Variants in TMEM74 observed in about 807,000 individuals in gnomAD.
TMEM74 encodes transmembrane protein 74.
In TMEM74, 13 loss-of-function variants were observed where a neutral mutation model predicts 18.1. The ratio of observed to expected loss-of-function variants is 0.72; its 90% CI spans 0.47 to 1.14. The LOEUF is 1.14. Ranked by LOEUF, TMEM74 falls within the 50% of genes most tolerant of loss-of-function variation. The probability of loss-of-function intolerance (pLI) is 0.00; values close to 1 mark genes in which losing one functional copy is unlikely to be tolerated. For synonymous variants in TMEM74, 159 were observed against 146.6 expected (o/e 1.08, Z -0.61); for missense variants, 372 against 375.9 (o/e 0.99, Z 0.09).
At chr8:108,644,261 C>G (rs985190066) in intron 2 of TMEM74, among the ~76,000 whole-genome samples, 7 of 152,226 alleles carry the variant, frequency 4.6e-5, no homozygotes, top group African/African-American at 9.6e-5. Flanking sequence ...AAAATGATTC[C>G]CTGTTCAATA....
intron 1 of TMEM74, among the ~76,000 whole-genome samples, chr8:108,676,183 C>T (rs1012202048): frequency 2.6e-5 from 4 of 152,260 alleles, no homozygotes; most frequent in East Asian, 1.9e-4. Flanking sequence ...AAACTCAGAA[C>T]ATATGCAGGA....
At chr8:108,620,039 A>G (rs1812423937) in intron 2 of TMEM74, among the ~76,000 whole-genome samples, 1 of 151,894 alleles carries the variant, frequency 6.6e-6, no homozygotes, top group Non-Finnish European at 1.5e-5. Context: ...AAAATAGTCT[A>G]TTTGTCATAG....
Position 108,671,292 on chromosome 8 carries a change from A to G in TMEM74, n.120-15855T>C, listed in dbSNP as rs117326526. Among the ~76,000 whole-genome samples, 740 of 152,262 alleles carry G rather than the reference A, an allele frequency of 4.9e-3. 3 individuals are homozygous for G. Among genetic ancestry groups the G allele is most frequent in the Middle Eastern group, 0.017 (5 of 294 alleles). ...TTAAATACTAGCTCAAGCTCCCACA[A>G]TATCTTGGTTTTCTATGTGGCAAGA... On this transcript the variant is annotated intron_variant and non_coding_transcript_variant, in intron 1 of 3. Transcript: ENST00000518838.
intron 1 of TMEM74, among the ~76,000 whole-genome samples, chr8:108,720,831 C>T (rs1156308700): frequency 3.3e-5 from 5 of 152,056 alleles, no homozygotes; most frequent in African/African-American, 7.2e-5. Context: ...TGCAATGACA[C>T]GATCTCTGCT....
intron 1 of TMEM74, among the ~76,000 whole-genome samples, chr8:108,664,704 T>C (rs967277504): frequency 2.0e-5 from 3 of 152,090 alleles, no homozygotes; most frequent in Non-Finnish European, 2.9e-5. Flanking sequence ...GTCTTAAAGA[T>C]TCAGTGGCCT....
At position 108,784,575 on chromosome 8, in the gene TMEM74, T is replaced by C; in HGVS notation, c.524A>G (p.Asp175Gly). 1 of 1,614,106 alleles carries C rather than the reference T, an allele frequency of 6.2e-7. No individual in the cohort carries two copies. The highest frequency in any genetic ancestry group is 8.5e-7 in the Non-Finnish European group (1 of 1,180,032). The change falls in exon 2 of 2, where the codon GAC becomes GGC. Residue 175 changes from aspartate (D) to glycine (G), a missense_variant. Coordinates refer to ENST00000297459, the MANE Select transcript of TMEM74 (RefSeq NM_153015.3). ...SEATSSGKSI[D>G]YGFISAILFL... ...CAAGATGGCGCTGATGAAACCATAG[T>C]CTATAGACTTCCCTGAAGACGTGGC...
intron 1 of TMEM74, among the ~76,000 whole-genome samples, chr8:108,682,400 C>T (rs1813124946): frequency 6.6e-6 from 1 of 152,020 alleles, no homozygotes; most frequent in African/African-American, 2.4e-5. Flanking sequence ...TCTTTCATAG[C>T]ACCCAATTTC....
chr8:108,732,339 G>A (rs1029837175), intron 1 of TMEM74, among the ~76,000 whole-genome samples: 2 of 152,148 alleles, frequency 1.3e-5, no homozygotes, highest in African/African-American at 4.8e-5. Flanking sequence ...ATATACGTGT[G>A]TGTGTACACA....
intron 2 of TMEM74, among the ~76,000 whole-genome samples, chr8:108,646,956 T>G (rs1231916417): frequency 2.6e-5 from 4 of 152,186 alleles, no homozygotes; most frequent in African/African-American, 9.6e-5. Context: ...ACATTTCATT[T>G]TAGCTTGTAT....
chr8:108,784,370 G>A lies in TMEM74; in HGVS notation c.729C>T (p.Gly243=). Residue 243 remains glycine (G), a synonymous_variant, in exon 2 of 2, where the codon GGC becomes GGT. Coordinates refer to ENST00000297459, the MANE Select transcript of TMEM74 (RefSeq NM_153015.3). ...IAGLCLLTLG[G]VILSCLLMMS... is the part of the protein sequence containing the mutation. ...TCATTAACAAGCAGGACAGGATGAC[G>A]CCCCCCAGCGTGAGGAGGCAGAGCC... is the stretch of plus-strand genomic sequence containing the variant. 6.2e-7 allele frequency: 1 copy of A among 1,613,906 alleles called. No homozygotes were observed. The highest frequency in any genetic ancestry group is 8.5e-7 in the Non-Finnish European group (1 of 1,180,016).
chr8:108,635,309 T>C (rs551584869), intron 2 of TMEM74, among the ~76,000 whole-genome samples: 1 of 152,048 alleles, frequency 6.6e-6, no homozygotes, highest in Admixed American at 6.6e-5. Flanking sequence ...TCCCAGGCTT[T>C]CCACCAGAGA....
At chr8:108,743,739 A>G (rs1035263145) in intron 1 of TMEM74, among the ~76,000 whole-genome samples, 5 of 152,166 alleles carry the variant, frequency 3.3e-5, no homozygotes, top group Admixed American at 1.3e-4. Flanking sequence ...AATTTATAAT[A>G]TCAATAGGCT....
rs535924054 is a variant in TMEM74, at chr8:108,780,345, G to T, written c.*3836C>A. On this transcript the variant is annotated 3_prime_UTR_variant, in exon 2 of 2. Coordinates refer to ENST00000297459, the MANE Select transcript of TMEM74 (RefSeq NM_153015.3). ...TTTGCATACACCTATCATTGCACAC[G>T]TGAAAGATGAAGACCAAAATGTTCA... 6.6e-6 allele frequency among the ~76,000 whole-genome samples: 1 copy of T among 152,032 alleles called. No homozygotes were observed. The highest frequency in any genetic ancestry group is 1.5e-5 in the Non-Finnish European group (1 of 68,008).
chr8:108,744,730 G>A (rs1020937588), intron 1 of TMEM74, among the ~76,000 whole-genome samples: 1 of 152,192 alleles, frequency 6.6e-6, no homozygotes, highest in Non-Finnish European at 1.5e-5. Context: ...ACAGGCTTTA[G>A]TTTTAGGAGC....
intron 1 of TMEM74, among the ~76,000 whole-genome samples, chr8:108,700,814 C>A (rs1813327849): frequency 6.6e-6 from 1 of 152,148 alleles, no homozygotes; most frequent in South Asian, 2.1e-4. Context: ...GTTTACACAG[C>A]TGGAGCATGG....
chr8:108,702,343 TAAA>T (rs1242874088), intron 1 of TMEM74, among the ~76,000 whole-genome samples: 2 of 95,110 alleles, frequency 2.1e-5, no homozygotes, highest in Admixed American at 2.4e-4. Flanking sequence ...AGACTCCATC[TAAA>T]AAAAAAAAAA....
chr8:108,652,868 C>T (rs927656930), intron 2 of TMEM74: 3 of 512,928 alleles, frequency 5.8e-6, no homozygotes, highest in Non-Finnish European at 7.7e-6. Flanking sequence ...TCTAATAGGC[C>T]ATTTTGGATC....
At chr8:108,615,422 C>T (rs1308724879) in intron 2 of TMEM74, among the ~76,000 whole-genome samples, 2 of 152,146 alleles carry the variant, frequency 1.3e-5, no homozygotes, top group Non-Finnish European at 2.9e-5. Flanking sequence ...AACCAAAGCC[C>T]TTGGACAGGA....
chr8:108,726,595 A>G (rs1813640990), intron 1 of TMEM74, among the ~76,000 whole-genome samples: 1 of 152,164 alleles, frequency 6.6e-6, no homozygotes, highest in South Asian at 2.1e-4. Flanking sequence ...AGATTCACGA[A>G]TCTTATCAGT....
Sources: allele counts gnomAD v4.1 joint callset (sites outside exome capture counted in the v4.1 genomes callset), GRCh38; gene constraint gnomAD v4.1.1; transcripts MANE v1.5; gene names NCBI Gene and HGNC (gene_info 2026-07-23, HGNC 2026-07-21).